Variants in ACACA observed in about 807,000 individuals in gnomAD.
ACACA encodes the protein acetyl-CoA carboxylase 1.
ACACA carries 103 observed loss-of-function variants against 296.1 expected under a neutral mutation model. The ratio of observed to expected loss-of-function variants is 0.35; its 90% CI spans 0.30 to 0.41. ACACA has a LOEUF of 0.41. ACACA is among the 10% of genes least tolerant of loss of function. The pLI is 1.00. For synonymous variants in ACACA, 953 were observed against 1,038.6 expected (o/e 0.92, Z 1.58); for missense variants, 1,554 against 2,989.7 (o/e 0.52, Z 11.20).
intron 42 of ACACA, among the ~76,000 whole-genome samples, chr17:37,156,090 G>T (rs2076237906): frequency 8.7e-6 from 1 of 114,794 alleles, no homozygotes. Context: ...TTGAGATGGA[G>T]TCTCACTCTG....
intron 43 of ACACA, among the ~76,000 whole-genome samples, chr17:37,151,927 T>G (rs964801234): frequency 3.9e-5 from 6 of 152,176 alleles, no homozygotes; most frequent in African/African-American, 1.4e-4. Flanking sequence ...CCCAAAGTGC[T>G]GGGATTACAG....
In ACACA at chr17:37,096,874, C is replaced by T. The variant is rs2073024076; in HGVS notation, c.6891+122G>A. 2.5e-6 allele frequency: 3 copies of T among 1,185,782 alleles called. No individual in the cohort carries two copies. In the African/African-American group the frequency reaches 4.5e-5, roughly 18 times the overall value. The allele number at this position is 1,185,782 out of a possible 1,614,324, so 73.5% of individuals were successfully genotyped here. ...AGCTGGGGGAGGAAACAGCTTGGAT[C>T]TCTATGTTTCCCTTCTACTCCTGCC... is the stretch of plus-strand genomic sequence containing the variant. On this transcript the variant is annotated intron_variant, in intron 54 of 55. Coordinates refer to ENST00000616317, the MANE Select transcript of ACACA (RefSeq NM_198834.3).
At chr17:37,385,583 T>C (rs573416374) in intron 1 of ACACA, among the ~76,000 whole-genome samples, 71 of 152,226 alleles carry the variant, frequency 4.7e-4, no homozygotes, top group Admixed American at 3.4e-3. Flanking sequence ...GAGTAGTTGA[T>C]CTAGATTCTA....
chr17:37,113,039 G>C lies in ACACA; in HGVS notation c.6452+49C>G, dbSNP rs935494282. ...AACATTCTCCAGGAGGAAACCAACA[G>C]CTACAGGGTCCCTAAAGGCAGTGAA... On this transcript the variant is annotated intron_variant, in intron 51 of 55. Transcript: ENST00000616317. The surrounding 1 kb of genome is among the most constrained non-coding windows in gnomAD (Gnocchi z 4.0). 6.2e-7 allele frequency: 1 copy of C among 1,609,270 alleles called. No homozygotes were observed. Among genetic ancestry groups the C allele is most frequent in the Non-Finnish European group, 8.5e-7 (1 of 1,176,824 alleles).
intron 2 of ACACA, among the ~76,000 whole-genome samples, chr17:37,330,796 T>A (rs569723003): frequency 6.6e-6 from 1 of 152,316 alleles, no homozygotes; most frequent in South Asian, 2.1e-4. Flanking sequence ...TTGTTAGTAA[T>A]GGGGGAATAA....
chr17:37,182,003 G>A (rs1035295104), intron 39 of ACACA, among the ~76,000 whole-genome samples: 1 of 150,724 alleles, frequency 6.6e-6, no homozygotes, highest in Non-Finnish European at 1.5e-5. Flanking sequence ...TCTAAAGTGA[G>A]TTGAATCTCA....
intron 1 of ACACA, among the ~76,000 whole-genome samples, chr17:37,349,494 T>G (rs2048793373): frequency 6.7e-6 from 1 of 148,594 alleles, no homozygotes; most frequent in South Asian, 2.1e-4. Context: ...ATAAGATATA[T>G]CTTACATATA....
At chr17:37,291,137 A>AACACACAC (rs1487554527) in intron 3 of ACACA, among the ~76,000 whole-genome samples, 2 of 81,194 alleles carry the variant, frequency 2.5e-5, no homozygotes, top group East Asian at 3.8e-4. Flanking sequence ...GCTGATGAAA[A>AACACACAC]ACACATACAC....
At chr17:37,112,049 A>ACTATCTATCTATCTATCTATCTATCTAT (rs10531552) in intron 51 of ACACA, among the ~76,000 whole-genome samples, 171 of 149,458 alleles carry the variant, frequency 1.1e-3, no homozygotes, top group African/African-American at 2.1e-3. Context: ...CTTCATCAAT[A>ACTATCTATCTATCTATCTATCTATCTAT]CTATCTATCT....
chr17:37,337,181 A>G (rs2048158232), intron 2 of ACACA, among the ~76,000 whole-genome samples: 2 of 152,182 alleles, frequency 1.3e-5, no homozygotes, highest in Admixed American at 1.3e-4. Context: ...ACAAATTGGC[A>G]AGACTGCTAA....
chr17:37,382,600 G>A (rs375915140), intron 1 of ACACA, among the ~76,000 whole-genome samples: 111 of 152,220 alleles, frequency 7.3e-4, no homozygotes, highest in African/African-American at 2.5e-3. Context: ...GGTGGCTCAC[G>A]CCTGTAATCC....
intron 24 of ACACA, among the ~76,000 whole-genome samples, chr17:37,237,741 T>C (rs1185789354): frequency 1.3e-5 from 2 of 150,046 alleles, no homozygotes; most frequent in African/African-American, 5.0e-5. Context: ...AAATATCTTC[T>C]CACACTTTGT....
intron 3 of ACACA, among the ~76,000 whole-genome samples, chr17:37,312,195 A>G (rs1219856580): frequency 6.6e-6 from 1 of 152,210 alleles, no homozygotes; most frequent in East Asian, 1.9e-4. Context: ...AGGAAAAGAG[A>G]CTGAGACACA....
intron 1 of ACACA, chr17:37,387,533 GC>G (rs1321873354): frequency 1.3e-5 from 2 of 148,164 alleles, no homozygotes; most frequent in African/African-American, 5.0e-5. Context: ...TGCAACCTCT[GC>G]CTCCCGGATC....
At chr17:37,263,959 T>TAA in intron 10 of ACACA, 65 bp from the exon 11 acceptor site, 1 of 1,347,322 alleles carries the variant, frequency 7.4e-7, no homozygotes, top group Middle Eastern at 1.8e-4. Context: ...TCTATCTTGA[T>TAA]AAGCTACTTT....
chr17:37,228,157 A>G (rs1258192340), intron 25 of ACACA, among the ~76,000 whole-genome samples: 1 of 151,598 alleles, frequency 6.6e-6, no homozygotes, highest in African/African-American at 2.4e-5. Flanking sequence ...CACAAGGTAA[A>G]TACTTTTGAA....
intron 3 of ACACA, among the ~76,000 whole-genome samples, chr17:37,292,513 T>A (rs1283438043): frequency 6.6e-6 from 1 of 152,176 alleles, no homozygotes; most frequent in Non-Finnish European, 1.5e-5. Context: ...TTTCTGTGCA[T>A]CATCCTGAAA....
chr17:37,241,116 G>A (rs1307986490), intron 23 of ACACA, among the ~76,000 whole-genome samples: 2 of 152,062 alleles, frequency 1.3e-5, no homozygotes, highest in African/African-American at 4.8e-5. Context: ...GATTGCTTGA[G>A]CCTGGGAGGC....
At chr17:37,205,956 C>A in intron 32 of ACACA, 84 bp from the exon 33 acceptor site, 1 of 1,193,352 alleles carries the variant, frequency 8.4e-7, no homozygotes, top group Non-Finnish European at 1.2e-6. Flanking sequence ...TGGTAGAATA[C>A]CTGAAAAAGA....
Sources: allele counts gnomAD v4.1 joint callset (sites outside exome capture counted in the v4.1 genomes callset), GRCh38; gene constraint gnomAD v4.1.1; non-coding constraint Gnocchi (gnomAD v3.1); transcripts MANE v1.5; gene names NCBI Gene and HGNC (gene_info 2026-07-23, HGNC 2026-07-21).